Variants in AHSG observed in about 807,000 individuals in gnomAD.
AHSG encodes the protein alpha 2-HS glycoprotein.
Under a neutral mutation model 30.1 loss-of-function variants are expected in AHSG, and 23 were observed. The observed-to-expected ratio is 0.76, with a 90% CI of 0.55 to 1.08. The LOEUF is 1.08. Ranked by LOEUF, AHSG falls within the 50% of genes least tolerant of loss-of-function variation. AHSG has a pLI of 0.00. For synonymous variants in AHSG, 164 were observed against 186.3 expected (o/e 0.88, Z 0.98); for missense variants, 469 against 459.5 (o/e 1.02, Z -0.19).
chr3:186,613,334 G>A lies in AHSG; in HGVS notation c.193G>A (p.Glu65Lys). The change falls in exon 1 of 7, where the codon GAA becomes AAA. Residue 65 changes from glutamate to lysine, a missense_variant. Physicochemically the swap from Glu to Lys is moderately conservative, Grantham distance 56. Coordinates refer to ENST00000411641, the MANE Select transcript of AHSG (RefSeq NM_001622.4). ...CAAACACACCTTGAACCAGATTGAT[G>A]AAGTAAAGGTGTGGCCTCAGGTAAG... is the stretch of plus-strand genomic sequence containing the variant. The part of the protein sequence containing the change: ...GYKHTLNQID[E>K]VKVWPQQPSG... 6.2e-7 allele frequency: 1 copy of A among 1,613,680 alleles called. No individual in the cohort carries two copies. The highest frequency in any genetic ancestry group is 8.5e-7 in the Non-Finnish European group (1 of 1,179,720).
At chr3:186,617,718 C>T (rs1371631032) in intron 4 of AHSG, 2 of 360,760 alleles carry the variant, frequency 5.5e-6, no homozygotes, top group East Asian at 1.3e-4. Context: ...CAGTACCACC[C>T]ATCTCCGCTG....
intron 5 of AHSG, among the ~76,000 whole-genome samples, chr3:186,619,497 T>C (rs1028506767): frequency 1.3e-5 from 2 of 152,058 alleles, no homozygotes; most frequent in African/African-American, 4.8e-5. Flanking sequence ...GAATAATGAA[T>C]GATATGAGAA....
intron 2 of AHSG, 114 bp downstream of exon 2, chr3:186,615,909 T>A: frequency 1.1e-6 from 1 of 943,460 alleles, no homozygotes; most frequent in Non-Finnish European, 1.7e-6. Context: ...AAAATTGCCA[T>A]TTGTGGCCGA....
intron 1 of AHSG, among the ~76,000 whole-genome samples, chr3:186,614,185 A>G (rs1272427867): frequency 6.6e-6 from 1 of 152,230 alleles, no homozygotes; most frequent in Non-Finnish European, 1.5e-5. Context: ...GAGAGGTGGA[A>G]AGAAGCTGTC....
rs1332761835 is a variant in AHSG, at chr3:186,617,264, G to A, written c.487G>A (p.Ala163Thr). ...GCTGAACGACACCAGGGTGGTGCACGCCGCGAAAGCTGCCCTGGCCGCCTT... is the reference window on the plus strand; with the variant it reads ...GCTGAACGACACCAGGGTGGTGCACACCGCGAAAGCTGCCCTGGCCGCCTT... ...APLNDTRVVHAAKAALAAFNA... is the reference protein window; with the variant it reads ...APLNDTRVVHTAKAALAAFNA... The change falls in exon 4 of 7, where the codon GCC becomes ACC. Residue 163 changes from alanine (A) to threonine (T), a missense_variant. Physicochemically the swap from Ala to Thr is moderately conservative, Grantham distance 58 (BLOSUM62 0). Transcript: ENST00000411641. The A allele has an allele frequency of 6.2e-7, 1 of 1,614,212 alleles. No homozygotes were observed. Among genetic ancestry groups the A allele is most frequent in the East Asian group, 2.2e-5 (1 of 44,878 alleles).
In AHSG at chr3:186,619,850, T is replaced by A. The variant is rs1218187296; in HGVS notation, c.676-7T>A. The A allele has an allele frequency of 6.2e-7, 1 of 1,605,050 alleles. No individual in the cohort carries two copies. Among genetic ancestry groups the A allele is most frequent in the Non-Finnish European group, 8.5e-7 (1 of 1,177,280 alleles). On this transcript the variant is annotated splice_region_variant and splice_polypyrimidine_tract_variant and intron_variant, in intron 5 of 6. Coordinates refer to ENST00000411641, the MANE Select transcript of AHSG (RefSeq NM_001622.4). ...AGTTAAAATAAATCCTCTTTCTCTG[T>A]GGGCAGCAATATGGCTTTTGTAAGG...
At chr3:186,617,529 C>A in intron 4 of AHSG, 179 bp downstream of exon 4, 1 of 1,188,808 alleles carries the variant, frequency 8.4e-7, no homozygotes, top group Non-Finnish European at 1.2e-6. Flanking sequence ...TCCTGAGTGT[C>A]ATGAGGACCC....
In AHSG at chr3:186,620,960, G is replaced by T; in HGVS notation, c.*30G>T. On this transcript the variant is annotated 3_prime_UTR_variant, in exon 7 of 7. Transcript: ENST00000411641. ...GACATGGCAGAGATGAGGAGGTTTG[G>T]CACAGAAAACATAGCCACCATTTTG... The T allele has an allele frequency of 2.5e-6, 4 of 1,588,888 alleles. No individual in the cohort carries two copies. Among genetic ancestry groups the T allele is most frequent in the Non-Finnish European group, 2.6e-6 (3 of 1,161,244 alleles).
chr3:186,618,175 T>C (rs1716367200), intron 4 of AHSG, among the ~76,000 whole-genome samples: 1 of 152,186 alleles, frequency 6.6e-6, no homozygotes, highest in Admixed American at 6.5e-5. Flanking sequence ...GAACCTTGGG[T>C]ATCAAGTGCA....
chr3:186,613,942 T>C (rs1297770225), intron 1 of AHSG, among the ~76,000 whole-genome samples: 2 of 151,942 alleles, frequency 1.3e-5, no homozygotes, highest in Non-Finnish European at 2.9e-5. Context: ...TTTTTTTTTT[T>C]GGTCCAAAAT....
chr3:186,616,877 G>T (rs1405174603), intron 3 of AHSG, among the ~76,000 whole-genome samples: 1 of 152,114 alleles, frequency 6.6e-6, no homozygotes, highest in Non-Finnish European at 1.5e-5. Flanking sequence ...CAGGAGAATC[G>T]CTTGAACCTG....
chr3:186,617,448 G>C, intron 4 of AHSG, 98 bp downstream of exon 4: 1 of 1,598,212 alleles, frequency 6.3e-7, no homozygotes, highest in Non-Finnish European at 8.6e-7. Context: ...AACAGGCGCA[G>C]GGGCAGCGAT....
chr3:186,619,861 A>G lies in AHSG; in HGVS notation c.680A>G (p.Tyr227Cys). The G allele has an allele frequency of 1.2e-6, 2 of 1,610,638 alleles. No homozygotes were observed. Among genetic ancestry groups the G allele is most frequent in the Middle Eastern group, 1.7e-4 (1 of 6,034 alleles). Residue 227 changes from tyrosine to cysteine, a missense_variant, in exon 6 of 7, where the codon TAT becomes TGT. Tyr to Cys is a radical substitution (Grantham distance 194). Coordinates refer to ENST00000411641, the MANE Select transcript of AHSG (RefSeq NM_001622.4). ...ATCCTCTTTCTCTGTGGGCAGCAAT[A>G]TGGCTTTTGTAAGGCAACACTCAGT... ...AKCNLLAEKQ[Y>C]GFCKATLSEK...
chr3:186,621,273 A>C lies in AHSG; in HGVS notation c.*343A>C, dbSNP rs2108504720. On this transcript the variant is annotated 3_prime_UTR_variant, in exon 7 of 7. Transcript: ENST00000411641. ...CTAAGCTTATATGTGCCTGTTAATG[A>C]AAGTGCCTGAAAGACCTTCCTTAAT... 4.1e-6 allele frequency: 1 copy of C among 246,776 alleles called. No homozygotes were observed. The highest frequency in any genetic ancestry group is 8.6e-5 in the East Asian group (1 of 11,690). The allele number at this position is 246,776 out of a possible 1,614,324, so 15.3% of individuals were successfully genotyped here.
At chr3:186,616,333 C>T (rs1300009356) in intron 2 of AHSG, 110 bp from the exon 3 acceptor site, 2 of 715,260 alleles carry the variant, frequency 2.8e-6, no homozygotes, top group Non-Finnish European at 4.7e-6. Context: ...TCAGTATTAC[C>T]CAGCAAAGGC....
intron 5 of AHSG, among the ~76,000 whole-genome samples, chr3:186,619,241 A>G (rs1419459042): frequency 6.6e-6 from 1 of 152,134 alleles, no homozygotes; most frequent in East Asian, 1.9e-4. Flanking sequence ...ATGTTGCAGT[A>G]AACTAAGATC....
intron 1 of AHSG, among the ~76,000 whole-genome samples, chr3:186,613,582 G>A (rs1716210056): frequency 1.3e-5 from 2 of 152,114 alleles, no homozygotes; most frequent in African/African-American, 4.8e-5. Flanking sequence ...TGGTGTGCAG[G>A]AGAAAAAGTG....
intron 4 of AHSG, 130 bp downstream of exon 4, chr3:186,617,480 T>C: frequency 6.6e-7 from 1 of 1,524,752 alleles, no homozygotes; most frequent in Non-Finnish European, 9.0e-7. Context: ...GAGAGGGTTG[T>C]TTGGAAAGGG....
intron 1 of AHSG, among the ~76,000 whole-genome samples, chr3:186,614,982 C>CA (rs1716253298): frequency 6.6e-6 from 1 of 152,212 alleles, no homozygotes; most frequent in South Asian, 2.1e-4. Context: ...CTCGTGTCTA[C>CA]ACTAGTGACA....
Sources: gnomAD v4.1 joint callset for allele counts (sites outside exome capture counted in the v4.1 genomes callset) on GRCh38, gnomAD v4.1.1 for gene constraint, MANE v1.5 for transcripts, NCBI Gene and HGNC (gene_info 2026-07-23, HGNC 2026-07-21) for gene names.